Variants in LRRC4C observed in about 807,000 individuals in gnomAD.
LRRC4C encodes the protein leucine-rich repeat-containing protein 4C.
LRRC4C carries 5 observed loss-of-function variants against 33.6 expected under a neutral mutation model. The ratio of observed to expected loss-of-function variants is 0.15; its 90% confidence interval spans 0.08 to 0.31. The LOEUF (loss-of-function observed/expected upper bound fraction) is 0.31, where lower values mean the gene tolerates loss of function less well. LRRC4C is among the 10% of genes least tolerant of loss of function. The pLI, the probability that LRRC4C is intolerant of heterozygous loss-of-function variation, is 1.00. For synonymous variants in LRRC4C, 329 were observed against 302.0 expected, an observed-to-expected ratio of 1.09 and a Z score of -0.93; for missense variants, 560 against 796.7, an observed-to-expected ratio of 0.70 and a Z score of 3.58.
At chr11:40,531,810 T>C (rs1439113611) in intron 3 of LRRC4C, among the ~76,000 whole-genome samples, 1 of 151,548 alleles carries the variant, frequency 6.6e-6, no homozygotes, top group East Asian at 1.9e-4. Context: ...TTTGGTGTAA[T>C]GCCATGGTAA....
intron 3 of LRRC4C, among the ~76,000 whole-genome samples, chr11:40,640,754 C>G (rs1048476827): frequency 3.9e-5 from 6 of 152,034 alleles, no homozygotes; most frequent in African/African-American, 1.4e-4. Context: ...ATGGCTCACG[C>G]CTGTAATCCC....
At chr11:40,213,794 C>T (rs988940025) in intron 5 of LRRC4C, among the ~76,000 whole-genome samples, 8 of 152,220 alleles carry the variant, frequency 5.3e-5, no homozygotes, top group African/African-American at 1.9e-4. Context: ...GAATGAGTTT[C>T]CTTTCTTCCT....
At chr11:40,364,691 C>G (rs1158224887) in intron 3 of LRRC4C, among the ~76,000 whole-genome samples, 1 of 151,762 alleles carries the variant, frequency 6.6e-6, no homozygotes, top group African/African-American at 2.4e-5. Context: ...GGTTTGTAAG[C>G]CTTCTGACTG....
At chr11:40,647,732 T>G (rs568127835) in intron 3 of LRRC4C, among the ~76,000 whole-genome samples, 2 of 152,314 alleles carry the variant, frequency 1.3e-5, no homozygotes, top group Admixed American at 1.3e-4. Context: ...CTGCCCCAGT[T>G]TCAAAGAAAA....
At chr11:41,103,933 G>A (rs1174897969) in intron 1 of LRRC4C, among the ~76,000 whole-genome samples, 8 of 151,948 alleles carry the variant, frequency 5.3e-5, no homozygotes, top group African/African-American at 1.7e-4. Context: ...TGCATATTCC[G>A]ATGATGAAGG....
intron 4 of LRRC4C, among the ~76,000 whole-genome samples, chr11:40,291,166 G>T (rs1035456978): frequency 6.6e-6 from 1 of 152,124 alleles, no homozygotes; most frequent in African/African-American, 2.4e-5. Context: ...AATAGCGAAG[G>T]GGGAAGGGGA....
At chr11:40,392,454 G>C (rs926621701) in intron 3 of LRRC4C, among the ~76,000 whole-genome samples, 15 of 151,880 alleles carry the variant, frequency 9.9e-5, no homozygotes, top group Non-Finnish European at 1.8e-4. Context: ...TGTATGTTCT[G>C]CAGAAATTTT....
intron 3 of LRRC4C, among the ~76,000 whole-genome samples, chr11:40,386,785 T>C (rs1278920974): frequency 6.6e-6 from 1 of 152,174 alleles, no homozygotes; most frequent in African/African-American, 2.4e-5. Context: ...AAATACTTAG[T>C]AATAGTAGCA....
At chr11:40,435,998 C>A (rs1315377849) in intron 3 of LRRC4C, among the ~76,000 whole-genome samples, 1 of 152,162 alleles carries the variant, frequency 6.6e-6, no homozygotes, top group Non-Finnish European at 1.5e-5. Flanking sequence ...TCCTTTTGTT[C>A]TACCTGAAAC....
chr11:41,224,994 G>A (rs1565494604), intron 1 of LRRC4C, among the ~76,000 whole-genome samples: 1 of 152,088 alleles, frequency 6.6e-6, no homozygotes, highest in East Asian at 1.9e-4. Context: ...TGGAACTGGA[G>A]GATATTATGT....
At chr11:40,643,312 G>A (rs140151635) in intron 3 of LRRC4C, among the ~76,000 whole-genome samples, 15 of 152,144 alleles carry the variant, frequency 9.9e-5, no homozygotes, top group African/African-American at 3.4e-4. Flanking sequence ...AAAATGTATG[G>A]CCTTATCCTC....
intron 1 of LRRC4C, among the ~76,000 whole-genome samples, chr11:41,130,971 T>C (rs1024673059): frequency 1.9e-4 from 29 of 152,164 alleles, no homozygotes; most frequent in African/African-American, 6.3e-4. Flanking sequence ...TATATTTCTT[T>C]GCCTATATGA....
At chr11:40,154,481 T>G (rs1858512697) in intron 5 of LRRC4C, among the ~76,000 whole-genome samples, 1 of 151,708 alleles carries the variant, frequency 6.6e-6, no homozygotes, top group South Asian at 2.1e-4. Flanking sequence ...ACCTAACACA[T>G]AAAGACTCAA....
chr11:41,243,347 T>A (rs1262475458), intron 1 of LRRC4C, among the ~76,000 whole-genome samples: 1 of 152,228 alleles, frequency 6.6e-6, no homozygotes, highest in Non-Finnish European at 1.5e-5. Context: ...AACACATATT[T>A]TGTCAAACAA....
At chr11:41,180,386 C>T (rs1188934865) in intron 1 of LRRC4C, among the ~76,000 whole-genome samples, 5 of 152,110 alleles carry the variant, frequency 3.3e-5, no homozygotes. Flanking sequence ...CAAAAAAAGG[C>T]ATTGTAAAAA....
intron 1 of LRRC4C, among the ~76,000 whole-genome samples, chr11:41,281,314 T>C (rs1203559164): frequency 1.3e-5 from 2 of 152,186 alleles, no homozygotes; most frequent in Non-Finnish European, 2.9e-5. Flanking sequence ...ACTCTGTGTC[T>C]TCTCTGATTC....
intron 4 of LRRC4C, among the ~76,000 whole-genome samples, chr11:40,298,413 G>C (rs1944616135): frequency 6.6e-6 from 1 of 150,772 alleles, no homozygotes; most frequent in South Asian, 2.1e-4. Context: ...CTCAGCTATA[G>C]TCACTGGTGC....
intron 1 of LRRC4C, among the ~76,000 whole-genome samples, chr11:41,318,011 G>T (rs1686396190): frequency 6.6e-6 from 1 of 152,048 alleles, no homozygotes; most frequent in East Asian, 1.9e-4. Flanking sequence ...GTGAAAAGTA[G>T]AACATGCATT....
intron 3 of LRRC4C, among the ~76,000 whole-genome samples, chr11:40,597,218 G>A (rs780188600): frequency 1.3e-5 from 2 of 151,930 alleles, no homozygotes; most frequent in African/African-American, 2.4e-5. Flanking sequence ...GGCATTTTAC[G>A]TATTTGTGCT....
Sources: gnomAD v4.1 joint callset for allele counts (sites outside exome capture counted in the v4.1 genomes callset) on GRCh38, gnomAD v4.1.1 for gene constraint, MANE v1.5 for transcripts, NCBI Gene and HGNC (gene_info 2026-07-23, HGNC 2026-07-21) for gene names.